The following CDH12 variants were observed in gnomAD, a reference collection of about 807,000 sequenced individuals.
The protein encoded by CDH12 is cadherin 12.
A neutral mutation model predicts 74.1 loss-of-function variants in CDH12; 41 were observed. The observed-to-expected ratio is 0.55, with a 90% CI of 0.43 to 0.72. The LOEUF (loss-of-function observed/expected upper bound fraction) is 0.72. Ranked by LOEUF, CDH12 falls within the 30% of genes least tolerant of loss-of-function variation. CDH12 has a pLI of 0.00. For missense variants in CDH12, 945 were observed against 977.2 expected (o/e 0.97, Z 0.44); for synonymous variants, 399 against 355.0 (o/e 1.12, Z -1.39).
intron 8 of CDH12, among the ~76,000 whole-genome samples, chr5:21,818,071 A>G (rs1013221641): frequency 2.0e-5 from 3 of 152,026 alleles, no homozygotes; most frequent in East Asian, 1.9e-4. Flanking sequence ...AATGAGTTTA[A>G]CAACAGTCTG....
At chr5:22,163,155 A>G (rs753035396) in intron 4 of CDH12, among the ~76,000 whole-genome samples, 3 of 152,074 alleles carry the variant, frequency 2.0e-5, no homozygotes, top group Non-Finnish European at 4.4e-5. Flanking sequence ...TGCTGGGATT[A>G]CAGGCGTGAG....
At chr5:21,974,959 G>T (rs532875803) in intron 6 of CDH12, 132 bp downstream of exon 6, 52 of 676,754 alleles carry the variant, frequency 7.7e-5, no homozygotes, top group African/African-American at 7.0e-4. Context: ...AAAAATAAAT[G>T]AAAAGAACTG....
At chr5:22,698,138 T>TTTTTTTTTTGTTGGG (rs1742479426) in intron 1 of CDH12, among the ~76,000 whole-genome samples, 1 of 143,062 alleles carries the variant, frequency 7.0e-6, no homozygotes, top group Non-Finnish European at 1.5e-5. Flanking sequence ...TTTTTTTTTT[T>TTTTTTTTTTGTTGGG]GAGATGGAGT....
intron 6 of CDH12, among the ~76,000 whole-genome samples, chr5:21,910,512 T>G (rs1168052504): frequency 6.6e-6 from 1 of 152,070 alleles, no homozygotes; most frequent in Non-Finnish European, 1.5e-5. Flanking sequence ...TAATTGGAAC[T>G]CATTGACCAG....
intron 3 of CDH12, among the ~76,000 whole-genome samples, chr5:22,381,892 C>G (rs1363438588): frequency 1.3e-5 from 2 of 150,374 alleles, no homozygotes; most frequent in African/African-American, 4.9e-5. Flanking sequence ...AGCATGAAGT[C>G]AAGAGGAAAA....
Position 22,019,992 on chromosome 5 carries a change from G to T in CDH12, c.232-44607C>A, listed in dbSNP as rs896669852. 3.3e-5 allele frequency among the ~76,000 whole-genome samples: 5 copies of T among 152,130 alleles called. No homozygotes were observed. In the East Asian group the frequency reaches 5.8e-4, roughly 18 times the overall value. On this transcript the variant is annotated intron_variant, in intron 5 of 14. Transcript: ENST00000382254. ...GACCACTTACTGGGCAGAGAAAAAT[G>T]ATACATAGCATTGGAGACGAAAAAA...
At chr5:22,705,116 C>CATATATATATATATATAT (rs71609776) in intron 1 of CDH12, among the ~76,000 whole-genome samples, 1 of 126,072 alleles carries the variant, frequency 7.9e-6, no homozygotes, top group Non-Finnish European at 1.6e-5. Flanking sequence ...CCCACCCAGT[C>CATATATATATATATATAT]ATATATATAT....
At chr5:22,424,685 T>G (rs1462641000) in intron 2 of CDH12, among the ~76,000 whole-genome samples, 1 of 152,190 alleles carries the variant, frequency 6.6e-6, no homozygotes, top group Non-Finnish European at 1.5e-5. Context: ...ATTGTATTAT[T>G]CTTTGCTCAT....
chr5:22,404,608 G>T (rs1171066567), intron 3 of CDH12, among the ~76,000 whole-genome samples: 1 of 152,160 alleles, frequency 6.6e-6, no homozygotes, highest in Non-Finnish European at 1.5e-5. Flanking sequence ...CCAGTAAAAT[G>T]AATCTCATGC....
intron 1 of CDH12, among the ~76,000 whole-genome samples, chr5:22,693,464 T>C (rs747094818): frequency 4.6e-5 from 7 of 152,076 alleles, no homozygotes; most frequent in Middle Eastern, 3.2e-3. Context: ...GGGACTTAGA[T>C]TGGGGCTTTA....
At chr5:22,342,246 G>A (rs1739885079) in intron 3 of CDH12, among the ~76,000 whole-genome samples, 1 of 152,232 alleles carries the variant, frequency 6.6e-6, no homozygotes, top group South Asian at 2.1e-4. Context: ...TAAACTTGAG[G>A]AGCACAAAAG....
chr5:22,573,997 C>A (rs1739659541), intron 1 of CDH12, among the ~76,000 whole-genome samples: 1 of 151,534 alleles, frequency 6.6e-6, no homozygotes, highest in Non-Finnish European at 1.5e-5. Flanking sequence ...CTGTGGTCTC[C>A]TGTGCAATAT....
At chr5:22,808,697 C>A (rs184669559) in intron 1 of CDH12, among the ~76,000 whole-genome samples, 1 of 147,248 alleles carries the variant, frequency 6.8e-6, no homozygotes, top group Non-Finnish European at 1.5e-5. Context: ...CTTCTGCTCC[C>A]GGGTTCAAGC....
chr5:21,778,891 CT>C (rs1745750222), intron 11 of CDH12, among the ~76,000 whole-genome samples: 1 of 152,060 alleles, frequency 6.6e-6, no homozygotes, highest in Non-Finnish European at 1.5e-5. Flanking sequence ...GATAATATTA[CT>C]TCATGTGAAA....
chr5:22,673,420 T>C (rs1392482496), intron 1 of CDH12, among the ~76,000 whole-genome samples: 1 of 152,182 alleles, frequency 6.6e-6, no homozygotes, highest in African/African-American at 2.4e-5. Flanking sequence ...CTGGTTAATA[T>C]ACTTCCTGTG....
chr5:21,917,044 T>C (rs1383995005), intron 6 of CDH12, among the ~76,000 whole-genome samples: 1 of 152,168 alleles, frequency 6.6e-6, no homozygotes, highest in Non-Finnish European at 1.5e-5. Context: ...CTGCTACACC[T>C]TTCCCTCCTC....
intron 3 of CDH12, among the ~76,000 whole-genome samples, chr5:22,294,752 T>C (rs1201399469): frequency 6.6e-6 from 1 of 152,240 alleles, no homozygotes; most frequent in Non-Finnish European, 1.5e-5. Flanking sequence ...TCAGTTTGAC[T>C]AAACCTTAGA....
At position 22,466,154 on chromosome 5, in the gene CDH12, A is replaced by G. The variant is rs118160648; in HGVS notation, c.-428+39116T>C. ...TGCTTTAGGGTCTGGAAACATTTCC[A>G]TCTCCAGCCCTTGGCCAGATGTTGA... On this transcript the variant is annotated intron_variant, in intron 2 of 14. Coordinates refer to ENST00000382254, the MANE Select transcript of CDH12 (RefSeq NM_004061.5). 5.1e-4 allele frequency among the ~76,000 whole-genome samples: 77 copies of G among 152,292 alleles called. 2 individuals are homozygous for G. In the East Asian group the frequency reaches 0.011, roughly 22 times the overall value.
chr5:22,078,724 C>T lies in CDH12; in HGVS notation c.-48G>A, dbSNP rs781236559. 1.3e-5 allele frequency: 20 copies of T among 1,595,174 alleles called. No homozygotes were observed. Among genetic ancestry groups the T allele is most frequent in the East Asian group, 2.2e-5 (1 of 44,496 alleles). The stretch of plus-strand genomic sequence containing the variant: ...GAGTAATAAAAACTCCAACACTTAA[C>T]GTAGAATTGTGGAATCCAGGTTTGA... On this transcript the variant is annotated 5_prime_UTR_variant, in exon 5 of 15. Coordinates refer to ENST00000382254, the MANE Select transcript of CDH12 (RefSeq NM_004061.5).
Sources: gnomAD v4.1 joint callset for allele counts (sites outside exome capture counted in the v4.1 genomes callset) on GRCh38, gnomAD v4.1.1 for gene constraint, MANE v1.5 for transcripts, NCBI Gene and HGNC (gene_info 2026-07-23, HGNC 2026-07-21) for gene names.